The following NUBPL variants were observed in gnomAD, a reference collection of about 807,000 sequenced individuals.
NUBPL encodes the protein NUBP iron-sulfur cluster assembly factor, mitochondrial, also known as iron-sulfur cluster transfer protein NUBPL.
A neutral mutation model predicts 45.7 loss-of-function variants in NUBPL; 31 were observed. The observed-to-expected ratio is 0.68, with a 90% CI of 0.51 to 0.92. The LOEUF (loss-of-function observed/expected upper bound fraction) is 0.92, where lower values mean the gene tolerates loss of function less well. Ranked by LOEUF, NUBPL falls within the 40% of genes least tolerant of loss-of-function variation. NUBPL has a pLI of 0.00. For missense variants in NUBPL, 401 were observed against 398.7 expected, an observed-to-expected ratio of 1.01 and a Z score of -0.05; for synonymous variants, 144 against 140.9, an observed-to-expected ratio of 1.02 and a Z score of -0.15.
intron 8 of NUBPL, chr14:31,844,633 C>T (rs569866882): frequency 3.6e-5 from 5 of 138,344 alleles, no homozygotes; most frequent in African/African-American, 9.8e-5. Flanking sequence ...TTTCTCTTTT[C>T]AGAAAGAATA....
intron 6 of NUBPL, among the ~76,000 whole-genome samples, chr14:31,717,434 T>TG (rs2037713967): frequency 6.6e-6 from 1 of 152,202 alleles, no homozygotes; most frequent in African/African-American, 2.4e-5. Flanking sequence ...CCTTTATACA[T>TG]GCTGCTTCCT....
chr14:31,637,811 C>A (rs1349311586), intron 4 of NUBPL, among the ~76,000 whole-genome samples: 1 of 152,058 alleles, frequency 6.6e-6, no homozygotes, highest in East Asian at 1.9e-4. Context: ...GTTAGCTCTT[C>A]TTGTTGAATT....
At chr14:31,814,147 C>T (rs941672460) in intron 7 of NUBPL, among the ~76,000 whole-genome samples, 6 of 152,246 alleles carry the variant, frequency 3.9e-5, no homozygotes, top group Admixed American at 3.9e-4. Flanking sequence ...TACACTCCCA[C>T]CAACAGTGTA....
At chr14:31,804,638 A>G (rs540523554) in intron 7 of NUBPL, among the ~76,000 whole-genome samples, 68 of 152,332 alleles carry the variant, frequency 4.5e-4, no homozygotes, top group African/African-American at 1.5e-3. Context: ...CCGCACATCT[A>G]TGACCATTTG....
intron 4 of NUBPL, among the ~76,000 whole-genome samples, chr14:31,637,350 A>T (rs554854807): frequency 6.6e-6 from 1 of 152,310 alleles, no homozygotes; most frequent in South Asian, 2.1e-4. Context: ...TTATGCACCC[A>T]GTAGTCATTC....
At chr14:31,572,630 G>A (rs993781825) in intron 3 of NUBPL, among the ~76,000 whole-genome samples, 1 of 152,170 alleles carries the variant, frequency 6.6e-6, no homozygotes, top group African/African-American at 2.4e-5. Context: ...GTATGGGATG[G>A]AGGTGTTTGT....
intron 4 of NUBPL, among the ~76,000 whole-genome samples, chr14:31,601,620 C>CA (rs1278593481): frequency 3.3e-5 from 5 of 152,046 alleles, no homozygotes; most frequent in African/African-American, 9.6e-5. Flanking sequence ...TTTATGCAGC[C>CA]AAAAAAACAC....
chr14:31,813,460 C>CACATACATACATATATATATAT (rs2039853314), intron 7 of NUBPL, among the ~76,000 whole-genome samples: 6 of 151,370 alleles, frequency 4.0e-5, no homozygotes, highest in Admixed American at 6.6e-5. Context: ...CACACACACA[C>CACATACATACATATATATATAT]ACACACATAC....
intron 10 of NUBPL, among the ~76,000 whole-genome samples, chr14:31,851,032 A>G (rs1319493195): frequency 1.3e-5 from 2 of 152,172 alleles, no homozygotes. Flanking sequence ...TAGTTGATAG[A>G]TTTTCAAAAT....
chr14:31,774,650 A>C (rs920185038), intron 6 of NUBPL, among the ~76,000 whole-genome samples: 2 of 152,244 alleles, frequency 1.3e-5, no homozygotes, highest in African/African-American at 4.8e-5. Flanking sequence ...TCCTCAGAAA[A>C]GAGGGAATTG....
chr14:31,756,477 T>C, intron 6 of NUBPL, among the ~76,000 whole-genome samples: 1 of 152,012 alleles, frequency 6.6e-6, no homozygotes, highest in Non-Finnish European at 1.5e-5. Flanking sequence ...GAATGGGAGT[T>C]CACTCATGAT....
At chr14:31,731,134 GATA>G (rs972589744) in intron 6 of NUBPL, among the ~76,000 whole-genome samples, 16 of 152,144 alleles carry the variant, frequency 1.1e-4, no homozygotes, top group Admixed American at 3.9e-4. Context: ...AAAGCAGTAA[GATA>G]ATAGTAAAAC....
chr14:31,647,427 C>T (rs993221846), intron 4 of NUBPL, among the ~76,000 whole-genome samples: 11 of 152,106 alleles, frequency 7.2e-5, no homozygotes, highest in Admixed American at 6.6e-5. Flanking sequence ...TAAATGGCAC[C>T]TTAAGCCCAG....
intron 1 of NUBPL, 22 bp downstream of exon 1, chr14:31,561,569 G>A: frequency 7.5e-7 from 1 of 1,339,696 alleles, no homozygotes; most frequent in Non-Finnish European, 9.7e-7. Flanking sequence ...TGCAGGGCAG[G>A]GGGAAGCGGG....
At chr14:31,824,607 A>G (rs2040068562) in intron 7 of NUBPL, among the ~76,000 whole-genome samples, 1 of 152,168 alleles carries the variant, frequency 6.6e-6, no homozygotes, top group Non-Finnish European at 1.5e-5. Context: ...ACTACTGTAT[A>G]GGTTCTTTTG....
chr14:31,833,047 T>C (rs1389099621), intron 8 of NUBPL, among the ~76,000 whole-genome samples: 1 of 152,194 alleles, frequency 6.6e-6, no homozygotes, highest in Non-Finnish European at 1.5e-5. Flanking sequence ...TTTACCTGGG[T>C]ATTTTAACTA....
chr14:31,819,019 G>T (rs2039972070), intron 7 of NUBPL, among the ~76,000 whole-genome samples: 2 of 152,100 alleles, frequency 1.3e-5, no homozygotes. Context: ...ATTTCCTGTT[G>T]GTCTGTGAGT....
intron 6 of NUBPL, among the ~76,000 whole-genome samples, chr14:31,737,081 T>A (rs2038181378): frequency 8.3e-6 from 1 of 120,072 alleles, no homozygotes; most frequent in African/African-American, 4.0e-5. Context: ...CTTTGTCAGA[T>A]GTGTTGCAGA....
chr14:31,785,366 G>T (rs1050068306), intron 6 of NUBPL, among the ~76,000 whole-genome samples: 1 of 152,190 alleles, frequency 6.6e-6, no homozygotes, highest in African/African-American at 2.4e-5. Context: ...GGTGAACAAT[G>T]GGTTAGTGAA....
Sources: allele counts gnomAD v4.1 joint callset (sites outside exome capture counted in the v4.1 genomes callset), GRCh38; gene constraint gnomAD v4.1.1; transcripts MANE v1.5; gene names NCBI Gene and HGNC (gene_info 2026-07-23, HGNC 2026-07-21).